CSTL1: variants seen among roughly 807,000 people sequenced by gnomAD.
CSTL1 encodes cystatin like 1.
Under a neutral mutation model 14.4 loss-of-function variants are expected in CSTL1, and 14 were observed. That is an observed-to-expected ratio of 0.97 (90% CI 0.64 to 1.52). The LOEUF is 1.52. Among genes scored for constraint, CSTL1 ranks in the 40% most tolerant of loss-of-function variants. The pLI is 0.00. For synonymous variants in CSTL1, 72 were observed against 67.5 expected, an observed-to-expected ratio of 1.07 and a Z score of -0.33; for missense variants, 170 against 168.7, an observed-to-expected ratio of 1.01 and a Z score of -0.04.
chr20:23,455,259 T>C, the CSTL1 span, among the ~76,000 whole-genome samples: 2 of 152,370 alleles, frequency 1.3e-5, no homozygotes, highest in South Asian at 4.1e-4. Flanking sequence ...TCAACTCTTG[T>C]GTGCTTAAAC....
At chr20:23,454,990 G>T in the CSTL1 span, among the ~76,000 whole-genome samples, 2 of 152,276 alleles carry the variant, frequency 1.3e-5, no homozygotes, top group East Asian at 3.9e-4. Flanking sequence ...TCTGTAAATT[G>T]CTGACTCAGT....
downstream of CSTL1, among the ~76,000 whole-genome samples, chr20:23,448,388 G>A (rs1282696050): frequency 6.6e-6 from 1 of 152,228 alleles, no homozygotes; most frequent in African/African-American, 2.4e-5. Flanking sequence ...CAGCACAGCA[G>A]AGCTCTCCGG....
the CSTL1 span, chr20:23,450,367 G>T: frequency 1.7e-6 from 1 of 584,216 alleles, no homozygotes; most frequent in Non-Finnish European, 2.8e-6. Context: ...GAAGAATTTG[G>T]ATAAAAAGAA....
chr20:23,455,358 G>A, the CSTL1 span, among the ~76,000 whole-genome samples: 1 of 152,152 alleles, frequency 6.6e-6, no homozygotes, highest in Admixed American at 6.5e-5. Flanking sequence ...TGCTTAATAT[G>A]TAGTGGGATT....
the CSTL1 span, chr20:23,452,729 T>G: frequency 6.2e-7 from 1 of 1,614,212 alleles, no homozygotes; most frequent in Non-Finnish European, 8.5e-7. Flanking sequence ...AAAGGTTTTC[T>G]TCCTTGCTTG....
chr20:23,440,568 A>G, intron 2 of CSTL1, 82 bp downstream of exon 2: 5 of 1,048,066 alleles, frequency 4.8e-6, no homozygotes, highest in South Asian at 3.8e-5. Context: ...GTAGCTCCCA[A>G]GAGAACCAAG....
downstream of CSTL1, among the ~76,000 whole-genome samples, chr20:23,445,231 C>CTTTTTTTT (rs11478198): frequency 8.2e-5 from 11 of 134,172 alleles, no homozygotes; most frequent in East Asian, 2.1e-4. Context: ...TTCTTTCTTT[C>CTTTTTTTT]TTTTTTTTTT....
chr20:23,442,364 TCA>T (rs771457987), intron 2 of CSTL1: 2 of 152,246 alleles, frequency 1.3e-5, no homozygotes, highest in Non-Finnish European at 2.9e-5. Flanking sequence ...TCTCCAGACC[TCA>T]GTTTCTTCAC....
downstream of CSTL1, among the ~76,000 whole-genome samples, chr20:23,449,315 A>G (rs1987026759): frequency 6.6e-6 from 1 of 152,186 alleles, no homozygotes; most frequent in African/African-American, 2.4e-5. Context: ...CTAAGAGCCA[A>G]TACTGATGGG....
At chr20:23,455,045 A>G in the CSTL1 span, among the ~76,000 whole-genome samples, 2 of 152,222 alleles carry the variant, frequency 1.3e-5, no homozygotes, top group African/African-American at 4.8e-5. Flanking sequence ...GAATGAGGAC[A>G]TGATGGCTGG....
the CSTL1 span, among the ~76,000 whole-genome samples, chr20:23,455,462 C>T: frequency 2.0e-5 from 3 of 152,172 alleles, no homozygotes; most frequent in Non-Finnish European, 4.4e-5. Context: ...TACATGTCTC[C>T]GGCAGAATTG....
chr20:23,439,916 A>G (rs1359999828), intron 1 of CSTL1, 110 bp downstream of exon 1: 1 of 286,944 alleles, frequency 3.5e-6, no homozygotes, highest in Non-Finnish European at 6.7e-6. Context: ...ATGCTTCTCT[A>G]TCTACAACCC....
chr20:23,444,902 A>C lies in CSTL1; in HGVS notation c.*24A>C, dbSNP rs1233532136. 6.8e-7 allele frequency: 1 copy of C among 1,470,112 alleles called. No homozygotes were observed. The highest frequency in any genetic ancestry group is 1.7e-5 in the Admixed American group (1 of 59,812). 91.1% of individuals were successfully genotyped at this position (1,470,112 alleles called of 1,614,324 possible). A position where few individuals can be genotyped will look rare whatever the true frequency, so the allele number is the denominator to read the frequency against. The stretch of plus-strand genomic sequence containing the variant: ...GAGGGCTCATATGATTGAGTTGTGC[A>C]CTGGCTGTTATTAAACTGTAAAGGA... On this transcript the variant is annotated 3_prime_UTR_variant, in exon 4 of 4. Coordinates refer to ENST00000347397, the MANE Select transcript of CSTL1 (RefSeq NM_138283.1).
At chr20:23,453,422 T>C in the CSTL1 span, among the ~76,000 whole-genome samples, 4 of 152,118 alleles carry the variant, frequency 2.6e-5, no homozygotes, top group Admixed American at 2.0e-4. Flanking sequence ...CCGCTGGACT[T>C]GCATGTTTTG....
At chr20:23,440,885 T>C (rs578216790) in intron 2 of CSTL1, 5 of 333,004 alleles carry the variant, frequency 1.5e-5, no homozygotes, top group African/African-American at 1.1e-4. Flanking sequence ...GCCTCCCAAG[T>C]AGCTGAGATT....
the CSTL1 span, among the ~76,000 whole-genome samples, chr20:23,455,963 C>G: frequency 6.6e-6 from 1 of 152,220 alleles, no homozygotes; most frequent in East Asian, 1.9e-4. Context: ...CCCCACTCCC[C>G]TGCAGGCTGG....
chr20:23,460,544 C>G, the CSTL1 span, among the ~76,000 whole-genome samples: 2 of 152,084 alleles, frequency 1.3e-5, no homozygotes, highest in East Asian at 1.9e-4. Flanking sequence ...AATGGCGAGA[C>G]AAGTCTCAAT....
chr20:23,445,405 G>T (rs1440934299), downstream of CSTL1, among the ~76,000 whole-genome samples: 1 of 151,828 alleles, frequency 6.6e-6, no homozygotes, highest in Non-Finnish European at 1.5e-5. Flanking sequence ...GGTGCACACC[G>T]CTTTGTCCAG....
At chr20:23,440,000 G>C (rs529233831) in intron 1 of CSTL1, 144 bp from the exon 2 acceptor site, 9 of 467,924 alleles carry the variant, frequency 1.9e-5, no homozygotes, top group Non-Finnish European at 3.1e-5. Flanking sequence ...GGCAGGGAGA[G>C]GGGCTTGCAC....
Sources: allele counts gnomAD v4.1 joint callset (sites outside exome capture counted in the v4.1 genomes callset), GRCh38; gene constraint gnomAD v4.1.1; transcripts MANE v1.5; gene names NCBI Gene and HGNC (gene_info 2026-07-23, HGNC 2026-07-21).